PVT1: variants seen among roughly 807,000 people sequenced by gnomAD.
PVT1 encodes the protein CXCR4/PVT1 fusion.
intron 4 of PVT1, chr8:127,999,321 CATAA>C (rs935759920): frequency 1.1e-4 from 17 of 152,212 alleles, no homozygotes; most frequent in African/African-American, 2.9e-4. Context: ...TAAATAAATA[CATAA>C]ATAAATAAAT....
At chr8:127,817,489 G>GTATATA (rs1490929524) in intron 2 of PVT1, among the ~76,000 whole-genome samples, 4 of 124,006 alleles carry the variant, frequency 3.2e-5, no homozygotes, top group African/African-American at 1.0e-4. Context: ...GTGTGTGTGT[G>GTATATA]TGTATATACA....
chr8:128,076,886 G>C (rs530034470), intron 5 of PVT1, among the ~76,000 whole-genome samples: 6 of 152,216 alleles, frequency 3.9e-5, no homozygotes, highest in African/African-American at 1.4e-4. Flanking sequence ...CCCTTCAGGG[G>C]CTTCTGAGAG....
chr8:128,017,188 T>C (rs1404950853), intron 4 of PVT1, among the ~76,000 whole-genome samples: 2 of 152,142 alleles, frequency 1.3e-5, no homozygotes, highest in Non-Finnish European at 2.9e-5. Context: ...AATCCCGACA[T>C]TTCTAACCTG....
intron 2 of PVT1, among the ~76,000 whole-genome samples, chr8:127,846,736 A>G (rs368806497): frequency 2.0e-5 from 3 of 152,048 alleles, no homozygotes; most frequent in Non-Finnish European, 4.4e-5. Context: ...CAGTGGCGCA[A>G]TCTCGGCTCA....
In PVT1 at chr8:128,021,290, C is replaced by CTTTTTTTTTTTTT. The variant is rs11438511; in HGVS notation, n.912+32008_912+32020dup. The stretch of plus-strand genomic sequence containing the variant: ...CCAGTCCGATTCCCCAGGACTTGTG[C>CTTTTTTTTTTTTT]TTTTTTTTTTTTTTTTTTTTTGAGA... On this transcript the variant is annotated intron_variant and non_coding_transcript_variant, in intron 4 of 10. Coordinates refer to ENST00000651587, the Ensembl canonical transcript of PVT1. 5.7e-4 allele frequency among the ~76,000 whole-genome samples: 46 copies of CTTTTTTTTTTTTT among 81,138 alleles called. 5 individuals are homozygous for CTTTTTTTTTTTTT. Among genetic ancestry groups the CTTTTTTTTTTTTT allele is most frequent in the Non-Finnish European group, 6.6e-4 (30 of 45,198 alleles). 53.2% of individuals were successfully genotyped at this position (81,138 alleles called of 152,430 possible). A position where few individuals can be genotyped will look rare whatever the true frequency, so the allele number is the denominator to read the frequency against.
intron 3 of PVT1, among the ~76,000 whole-genome samples, chr8:127,949,192 T>A (rs1292207224): frequency 6.6e-6 from 1 of 152,118 alleles, no homozygotes; most frequent in Non-Finnish European, 1.5e-5. Context: ...TATGTGGAAC[T>A]TCGTAGTTGT....
chr8:127,862,661 A>G (rs1244065658), intron 2 of PVT1, among the ~76,000 whole-genome samples: 4 of 152,060 alleles, frequency 2.6e-5, no homozygotes, highest in Non-Finnish European at 5.9e-5. Flanking sequence ...GCCTCGGGCA[A>G]TCCTGGACTC....
At chr8:128,023,835 T>C (rs572434245) in intron 4 of PVT1, among the ~76,000 whole-genome samples, 1 of 152,328 alleles carries the variant, frequency 6.6e-6, no homozygotes, top group South Asian at 2.1e-4. Context: ...GCCTGTTACA[T>C]TCTTCAAGGA....
In PVT1 at chr8:127,919,061, C is replaced by T. The variant is rs549201710; in HGVS notation, n.782+28063C>T. ...CGCTGTCAGGTTGGTGAAGGCAGTGCGCGTTGGGCCTTCCCTCCCTAGAGA... is the reference window on the plus strand; with the variant it reads ...CGCTGTCAGGTTGGTGAAGGCAGTGTGCGTTGGGCCTTCCCTCCCTAGAGA... On this transcript the variant is annotated intron_variant and non_coding_transcript_variant, in intron 3 of 10. Coordinates refer to ENST00000651587, the Ensembl canonical transcript of PVT1. Among the ~76,000 whole-genome samples the T allele has an allele frequency of 2.6e-5, 4 of 152,296 alleles. No individual in the cohort carries two copies. The South Asian group carries it at 6.2e-4, about 24-fold the overall frequency.
chr8:127,867,238 G>A (rs754274183), intron 2 of PVT1, among the ~76,000 whole-genome samples: 1 of 152,256 alleles, frequency 6.6e-6, no homozygotes, highest in Admixed American at 6.5e-5. Flanking sequence ...GGAAGAAGGG[G>A]GAGGGGCACA....
chr8:127,815,978 G>T (rs1022716247), intron 2 of PVT1, among the ~76,000 whole-genome samples: 3 of 152,236 alleles, frequency 2.0e-5, no homozygotes, highest in Non-Finnish European at 2.9e-5. Context: ...ACAAAAATTA[G>T]CTGGGCTTGG....
chr8:127,866,513 A>G (rs1205998869), intron 2 of PVT1, among the ~76,000 whole-genome samples: 1 of 152,110 alleles, frequency 6.6e-6, no homozygotes, highest in Non-Finnish European at 1.5e-5. Flanking sequence ...CTCCTTCAGC[A>G]TCAGAGGAAT....
rs573797133 is a variant in PVT1 at position 127,935,803 on chromosome 8, A to T, written n.782+44805A>T. The stretch of plus-strand genomic sequence containing the variant: ...CCGTATGGAGCGGAGAACAGTGTCC[A>T]GCATGCAGTACGTGCTCTGATGATC... On this transcript the variant is annotated intron_variant and non_coding_transcript_variant, in intron 3 of 10. Coordinates refer to ENST00000651587, the Ensembl canonical transcript of PVT1. Among the ~76,000 whole-genome samples, 140 of 152,314 alleles carry T rather than the reference A, an allele frequency of 9.2e-4. 3 individuals carry two copies. In the South Asian group the frequency reaches 0.023, roughly 25 times the overall value.
chr8:127,805,951 A>G (rs1157122860), intron 2 of PVT1, among the ~76,000 whole-genome samples: 1 of 152,198 alleles, frequency 6.6e-6, no homozygotes, highest in East Asian at 1.9e-4. Context: ...ATTGATCAAT[A>G]TGACTACATA....
chr8:128,065,439 A>G (rs1813893224), intron 4 of PVT1, among the ~76,000 whole-genome samples: 2 of 151,996 alleles, frequency 1.3e-5, no homozygotes, highest in African/African-American at 2.4e-5. Flanking sequence ...ACCCACCTCA[A>G]TCTTCCAAAA....
chr8:127,942,224 G>A (rs529467699), intron 3 of PVT1, among the ~76,000 whole-genome samples: 1 of 152,310 alleles, frequency 6.6e-6, no homozygotes, highest in Non-Finnish European at 1.5e-5. Flanking sequence ...AAGGGATAAT[G>A]AAGAATTTCC....
At chr8:127,889,448 ATTT>A (rs35522702) in intron 2 of PVT1, among the ~76,000 whole-genome samples, 3 of 139,710 alleles carry the variant, frequency 2.1e-5, no homozygotes, top group Non-Finnish European at 1.6e-5. Context: ...TTTTCCTGTG[ATTT>A]TTTTTTTTTT....
At chr8:127,969,803 T>C (rs1816743017) in intron 3 of PVT1, among the ~76,000 whole-genome samples, 1 of 151,608 alleles carries the variant, frequency 6.6e-6, no homozygotes, top group Non-Finnish European at 1.5e-5. Context: ...TTGCCTAAGG[T>C]CTACACAGTT....
intron 2 of PVT1, among the ~76,000 whole-genome samples, chr8:127,835,267 TA>T (rs1247113758): frequency 1.3e-5 from 2 of 152,010 alleles, no homozygotes; most frequent in Admixed American, 6.6e-5. Flanking sequence ...TATGCAGCCA[TA>T]AAAAAGAATG....
Sources: allele counts gnomAD v4.1 joint callset (sites outside exome capture counted in the v4.1 genomes callset), GRCh38; gene constraint gnomAD v4.1.1; transcripts MANE v1.5; gene names NCBI Gene and HGNC (gene_info 2026-07-23, HGNC 2026-07-21).